LRRC69: variants seen among roughly 807,000 people sequenced by gnomAD.
LRRC69 encodes leucine rich repeat containing 69, also known as leucine-rich repeat-containing protein 69.
A neutral mutation model predicts 37.8 loss-of-function variants in LRRC69; 42 were observed. The observed-to-expected ratio is 1.11, with a 90% CI of 0.87 to 1.44. The LOEUF (loss-of-function observed/expected upper bound fraction) is 1.44. Among genes scored for constraint, LRRC69 ranks in the 40% most tolerant of loss-of-function variants. The pLI, the probability that LRRC69 is intolerant of heterozygous loss-of-function variation, is 0.00. For missense variants in LRRC69, 357 were observed against 401.9 expected (o/e 0.89, Z 0.96); for synonymous variants, 141 against 143.1 (o/e 0.99, Z 0.11).
In LRRC69 at chr8:91,136,405, T is replaced by C. The variant is rs1044873020; in HGVS notation, c.651+666T>C. Among the ~76,000 whole-genome samples the C allele has an allele frequency of 5.3e-5, 8 of 152,036 alleles. No individual in the cohort carries two copies. The East Asian group carries it at 1.5e-3, about 29-fold the overall frequency. On this transcript the variant is annotated intron_variant, in intron 5 of 7. Transcript: ENST00000448384. The stretch of plus-strand genomic sequence containing the variant: ...ATTGAGGTTTCAGTCTTTTTTTACC[T>C]CCTAGAGCAATATTTTATACTGAAG...
intron 6 of LRRC69, among the ~76,000 whole-genome samples, chr8:91,197,453 C>T (rs1382162089): frequency 6.6e-6 from 1 of 152,090 alleles, no homozygotes; most frequent in Non-Finnish European, 1.5e-5. Flanking sequence ...TCGCTGCCGC[C>T]TCGCAGTTTG....
intron 3 of LRRC69, among the ~76,000 whole-genome samples, 179 bp downstream of exon 3, chr8:91,127,339 G>A (rs1813734165): frequency 6.6e-6 from 1 of 151,858 alleles, no homozygotes; most frequent in African/African-American, 2.4e-5. Context: ...AAACACTTTG[G>A]AGAAATGAGA....
intron 5 of LRRC69, among the ~76,000 whole-genome samples, chr8:91,139,555 C>T (rs952367277): frequency 6.7e-6 from 1 of 149,884 alleles, no homozygotes; most frequent in African/African-American, 2.4e-5. Context: ...GGATTACAGG[C>T]GTATGTACAG....
Position 91,108,906 on chromosome 8 carries a change from C to T in LRRC69, c.183+6062C>T, listed in dbSNP as rs550146306. Reference sequence around the variant, plus strand: ...GGAATGACCATGAGCAGAGACTTCCCGTAACTCTTCCTCCTTGGGCATTCT... The same window carrying T: ...GGAATGACCATGAGCAGAGACTTCCTGTAACTCTTCCTCCTTGGGCATTCT... On this transcript the variant is annotated intron_variant, in intron 1 of 7. Transcript: ENST00000448384. 1.6e-4 allele frequency among the ~76,000 whole-genome samples: 25 copies of T among 151,894 alleles called. 2 individuals are homozygous for T. In the South Asian group the frequency reaches 5.2e-3, roughly 32 times the overall value.
chr8:91,201,134 T>C (rs186893487), intron 7 of LRRC69, among the ~76,000 whole-genome samples: 11 of 152,310 alleles, frequency 7.2e-5, no homozygotes, highest in Non-Finnish European at 1.3e-4. Context: ...TAGTCTGTCA[T>C]GGAATTCTTG....
intron 5 of LRRC69, among the ~76,000 whole-genome samples, chr8:91,153,009 T>C (rs972061739): frequency 1.3e-5 from 2 of 151,028 alleles, no homozygotes; most frequent in Admixed American, 1.3e-4. Context: ...ACACATAGGC[T>C]CAAAATAAAG....
chr8:91,215,729 C>T (rs7832896), intron 7 of LRRC69, among the ~76,000 whole-genome samples: 101,859 of 152,012 alleles, frequency 0.67, 34,445 homozygotes, highest in Middle Eastern at 0.76. Context: ...TCATTGAGTG[C>T]TTTGATCTCT....
chr8:91,138,317 C>CAT (rs1306707312), intron 5 of LRRC69, among the ~76,000 whole-genome samples: 3 of 151,856 alleles, frequency 2.0e-5, no homozygotes, highest in African/African-American at 7.2e-5. Flanking sequence ...AATATTCAAA[C>CAT]ATATATAAAA....
intron 5 of LRRC69, among the ~76,000 whole-genome samples, chr8:91,171,337 T>A (rs1448869435): frequency 1.3e-5 from 2 of 151,920 alleles, no homozygotes; most frequent in East Asian, 3.9e-4. Flanking sequence ...AGAGTTGAGC[T>A]TCGGAGGATC....
chr8:91,192,829 G>C (rs1183166974), intron 6 of LRRC69, among the ~76,000 whole-genome samples: 1 of 149,992 alleles, frequency 6.7e-6, no homozygotes, highest in Admixed American at 6.6e-5. Context: ...TTCTTTTGCT[G>C]TGCAGAAGCT....
exon 7 of LRRC69, chr8:91,200,726 T>G (rs1809698182): frequency 6.5e-7 from 1 of 1,538,968 alleles, no homozygotes; most frequent in African/African-American, 1.4e-5. Context: ...GAAAAACATG[T>G]GCAATATGTG....
chr8:91,187,470 T>TA (rs1396182273), intron 5 of LRRC69, among the ~76,000 whole-genome samples: 1 of 152,208 alleles, frequency 6.6e-6, no homozygotes, highest in Non-Finnish European at 1.5e-5. Context: ...CTGACATACT[T>TA]ATGTTGCAGA....
intron 4 of LRRC69, among the ~76,000 whole-genome samples, chr8:91,133,885 G>T (rs574856771): frequency 6.6e-6 from 1 of 151,926 alleles, no homozygotes. Context: ...GCCCACCTCG[G>T]CCTCCCAAAG....
chr8:91,204,430 A>G (rs1391678355), intron 7 of LRRC69, among the ~76,000 whole-genome samples: 1 of 152,264 alleles, frequency 6.6e-6, no homozygotes, highest in Non-Finnish European at 1.5e-5. Flanking sequence ...GGAGCACTGG[A>G]AGATGACAAA....
At chr8:91,120,344 T>C (rs1175241086) in intron 1 of LRRC69, among the ~76,000 whole-genome samples, 1 of 152,128 alleles carries the variant, frequency 6.6e-6, no homozygotes, top group Admixed American at 6.6e-5. Context: ...ACACTATATA[T>C]CTGGGAAATC....
chr8:91,133,397 A>G (rs929759984), intron 4 of LRRC69, 92 bp downstream of exon 4: 5 of 867,424 alleles, frequency 5.8e-6, no homozygotes, highest in African/African-American at 5.3e-5. Flanking sequence ...GTATCTGAGT[A>G]TAAGCCACCA....
rs150142630 is a variant in LRRC69, at chr8:91,216,346, C to T, written c.934-2544C>T. ...ATGACACAAGGGAAATGGCTAAAAC[C>T]ACACTGGAAATAGAAAATGCCTTTA... On this transcript the variant is annotated intron_variant, in intron 7 of 7. Coordinates refer to ENST00000448384, the Ensembl canonical transcript of LRRC69. Among the ~76,000 whole-genome samples, 1,442 of 152,232 alleles carry T rather than the reference C, an allele frequency of 9.5e-3. 12 individuals are homozygous for T. The highest frequency in any genetic ancestry group is 0.016 in the Non-Finnish European group (1,110 of 68,006).
chr8:91,213,250 A>G (rs1809968586), intron 7 of LRRC69, among the ~76,000 whole-genome samples: 1 of 152,150 alleles, frequency 6.6e-6, no homozygotes, highest in African/African-American at 2.4e-5. Flanking sequence ...TTCTGTTCTT[A>G]TCACAGTCCA....
chr8:91,131,667 TTGTG>T (rs1203790846), intron 3 of LRRC69, among the ~76,000 whole-genome samples: 1 of 151,970 alleles, frequency 6.6e-6, no homozygotes, highest in African/African-American at 2.4e-5. Context: ...TTCCAATTGT[TTGTG>T]GCTACAATAT....
Sources: allele counts gnomAD v4.1 joint callset (sites outside exome capture counted in the v4.1 genomes callset), GRCh38; gene constraint gnomAD v4.1.1; transcripts MANE v1.5; gene names NCBI Gene and HGNC (gene_info 2026-07-23, HGNC 2026-07-21).